The following ENSA variants were observed in gnomAD, a reference collection of about 807,000 sequenced individuals.
ENSA encodes the protein alpha-endosulfine.
In ENSA, 7 loss-of-function variants were observed where a neutral mutation model predicts 16.8. That is an observed-to-expected ratio of 0.42 (90% CI 0.24 to 0.78). The LOEUF is 0.78. Ranked by LOEUF, ENSA falls within the 30% of genes least tolerant of loss-of-function variation. The pLI is 0.29. For missense variants in ENSA, 87 were observed against 142.3 expected (o/e 0.61, Z 1.98); for synonymous variants, 58 against 53.4 (o/e 1.09, Z -0.37).
At chr1:150,626,337 C>T in intron 2 of ENSA, 1 of 724,466 alleles carries the variant, frequency 1.4e-6, no homozygotes, top group Admixed American at 2.3e-5. Context: ...CTGACTCTCA[C>T]AGCTCCCACA....
intron 1 of ENSA, chr1:150,629,185 A>C: frequency 6.2e-7 from 1 of 1,611,452 alleles, no homozygotes. Flanking sequence ...CCAAGGTTTG[A>C]GCGGTAGGCC....
intron 3 of ENSA, chr1:150,623,264 C>T: frequency 2.0e-6 from 2 of 1,017,626 alleles, no homozygotes; most frequent in Non-Finnish European, 2.3e-6. Flanking sequence ...GAGGCCAGAA[C>T]CAGACCACAC....
At position 150,629,534 on chromosome 1, in the gene ENSA, G is replaced by A. The variant is rs1002084672; in HGVS notation, c.-64C>T. 4.4e-6 allele frequency: 7 copies of A among 1,577,964 alleles called. No homozygotes were observed. Among genetic ancestry groups the A allele is most frequent in the Non-Finnish European group, 6.0e-6 (7 of 1,160,636 alleles). Reference sequence around the variant, plus strand: ...GGCAACCGGAGAAGGGAAGGGGGAGGGGAAACGGGGACAACCTGCGCTGCT... The same window carrying A: ...GGCAACCGGAGAAGGGAAGGGGGAGAGGAAACGGGGACAACCTGCGCTGCT... On this transcript the variant is annotated 5_prime_UTR_variant, in exon 1 of 4. Transcript: ENST00000369014.
intron 2 of ENSA, chr1:150,626,603 C>G (rs1649335857): frequency 8.9e-7 from 1 of 1,121,756 alleles, no homozygotes; most frequent in Admixed American, 1.8e-5. Flanking sequence ...GTTGCCCAGG[C>G]TGGAGTGCAG....
chr1:150,629,339 C>G (rs1329519317), intron 1 of ENSA, 75 bp downstream of exon 1: 1 of 1,568,624 alleles, frequency 6.4e-7, no homozygotes, highest in African/African-American at 1.4e-5. Context: ...GGCGACCAAT[C>G]CGCACTGGTG....
At position 150,625,703 on chromosome 1, in the gene ENSA, T is replaced by C; in HGVS notation, c.289A>G (p.Ile97Val). The C allele has an allele frequency of 1.2e-6, 2 of 1,613,280 alleles. No homozygotes were observed. The highest frequency in any genetic ancestry group is 1.7e-6 in the Non-Finnish European group (2 of 1,179,684). ...TGGGGCAGATCCTGTGGGGTGGGGA[T>C]GTGATCACCAGTCACCAGGTTCTTG... is the stretch of plus-strand genomic sequence containing the variant. ...PDKNLVTGDH[I>V]PTPQDLPQRK... The change falls in exon 3 of 4, where the codon ATC (isoleucine) becomes GTC (valine). Residue 97 changes from isoleucine (I) to valine (V), a missense_variant. Physicochemically the swap from Ile to Val is conservative, Grantham distance 29. Transcript: ENST00000369014.
intron 1 of ENSA, chr1:150,629,156 G>A: frequency 6.2e-7 from 1 of 1,613,790 alleles, no homozygotes; most frequent in Non-Finnish European, 8.5e-7. Context: ...TCCATGCTCG[G>A]CCAATTATAG....
intron 1 of ENSA, chr1:150,629,101 G>A: frequency 6.2e-7 from 1 of 1,614,012 alleles, no homozygotes; most frequent in East Asian, 2.2e-5. Context: ...AAGACCACCA[G>A]CCATCCCCTT....
intron 2 of ENSA, 136 bp from the exon 3 acceptor site, chr1:150,625,944 T>G (rs1649276156): frequency 1.4e-6 from 2 of 1,379,410 alleles, no homozygotes; most frequent in Non-Finnish European, 1.9e-6. Context: ...ATTAACCTCA[T>G]GCATACACAG....
chr1:150,621,270 T>C (rs1422842017), downstream of ENSA: 2 of 152,192 alleles, frequency 1.3e-5, no homozygotes, highest in Non-Finnish European at 2.9e-5. Context: ...GTACTTGTTT[T>C]ATTTTATTCA....
intron 1 of ENSA, among the ~76,000 whole-genome samples, chr1:150,628,498 C>A (rs75669298): frequency 1.8e-4 from 26 of 143,010 alleles, no homozygotes; most frequent in Admixed American, 7.0e-4. Flanking sequence ...TAGTCAATCT[C>A]TTTTTTTTTT....
At chr1:150,627,350 T>C (rs779021515) in intron 2 of ENSA, 117 bp downstream of exon 2, 241 of 1,608,830 alleles carry the variant, frequency 1.5e-4, no homozygotes, top group Non-Finnish European at 2.0e-4. Flanking sequence ...CAAATTCGCC[T>C]CTACTTCTGT....
At chr1:150,625,056 G>C in intron 3 of ENSA, 1 of 985,396 alleles carries the variant, frequency 1.0e-6, no homozygotes, top group East Asian at 1.1e-4. Flanking sequence ...TATTATTTGA[G>C]AGCCAGAGCA....
chr1:150,627,271 T>C, intron 2 of ENSA, 196 bp downstream of exon 2: 1 of 1,542,046 alleles, frequency 6.5e-7, no homozygotes, highest in Non-Finnish European at 8.7e-7. Context: ...ATTTCCTACA[T>C]GGGAAATCAG....
chr1:150,628,981 T>G (rs1021345189), intron 1 of ENSA: 65 of 1,504,070 alleles, frequency 4.3e-5, no homozygotes, highest in Non-Finnish European at 5.7e-5. Context: ...AATACTGGTT[T>G]TTTTTTAAAC....
rs2101741651 is a variant in ENSA, at chr1:150,625,759, T to C, written c.233A>G (p.Lys78Arg). 2 of 1,612,128 alleles carry C rather than the reference T, an allele frequency of 1.2e-6. No individual in the cohort carries two copies. Among genetic ancestry groups the C allele is most frequent in the Non-Finnish European group, 1.7e-6 (2 of 1,179,078 alleles). ...TCCTGCACTTGGCAGCTGCTTATTCTTCATCTTGGCTTTGGCCATGTTGTA... is the reference window on the plus strand; with the variant it reads ...TCCTGCACTTGGCAGCTGCTTATTCCTCATCTTGGCTTTGGCCATGTTGTA... ...GDYNMAKAKM[K>R]NKQLPSAGPD... Residue 78 changes from lysine (K) to arginine (R), a missense_variant, in exon 3 of 4, where the codon AAG becomes AGG. Physicochemically the swap from Lys to Arg is conservative, Grantham distance 26. Transcript: ENST00000369014.
intron 3 of ENSA, 38 bp downstream of exon 3, chr1:150,625,604 G>A (rs767225802): frequency 1.3e-6 from 2 of 1,551,774 alleles, no homozygotes; most frequent in South Asian, 2.4e-5. Context: ...TAAACGTCCA[G>A]TGGTTGAGGA....
chr1:150,621,690 A>C (rs1649005950), downstream of ENSA: 1 of 152,180 alleles, frequency 6.6e-6, no homozygotes, highest in African/African-American at 2.4e-5. Flanking sequence ...GAGGAAAGAA[A>C]TCACTCTGCC....
intron 3 of ENSA, chr1:150,624,417 G>C: frequency 7.1e-6 from 7 of 985,892 alleles, no homozygotes; most frequent in Non-Finnish European, 8.4e-6. Context: ...GCATCAGACT[G>C]CATCTGAAAC....
Sources: allele counts gnomAD v4.1 joint callset (sites outside exome capture counted in the v4.1 genomes callset), GRCh38; gene constraint gnomAD v4.1.1; transcripts MANE v1.5; gene names NCBI Gene and HGNC (gene_info 2026-07-23, HGNC 2026-07-21).